ACBD3: variants seen among roughly 807,000 people sequenced by gnomAD.
The protein encoded by ACBD3 is acyl-CoA binding domain containing 3, also known as Golgi resident protein GCP60.
A neutral mutation model predicts 66.9 loss-of-function variants in ACBD3; 30 were observed. The observed-to-expected ratio is 0.45, with a 90% confidence interval of 0.34 to 0.61. The LOEUF (loss-of-function observed/expected upper bound fraction) is 0.61. ACBD3 is among the 20% of genes least tolerant of loss of function. The pLI, the probability that ACBD3 is intolerant of heterozygous loss-of-function variation, is 0.02. For missense variants in ACBD3, 544 were observed against 664.5 expected (o/e 0.82, Z 1.99); for synonymous variants, 278 against 259.8 (o/e 1.07, Z -0.68).
rs1466101037 is a variant in ACBD3 at position 226,159,254 on chromosome 1, C to T, written c.833G>A (p.Arg278His). ...GNYEQQQILI[R>H]QLQEQHYQQY... ...CTGATAGTGTTGCTCCTGCAACTGG[C>T]GGATGAGAATTTGCTGCTGTTCGTA... Residue 278 changes from arginine to histidine, a missense_variant, in exon 5 of 8, where the codon CGC becomes CAC. Physicochemically the swap from Arg to His is conservative, Grantham distance 29. This residue lies in a region of ACBD3 where 383 missense variants were observed against 462.4 expected (regional missense o/e 0.83). Coordinates refer to ENST00000366812, the MANE Select transcript of ACBD3 (RefSeq NM_022735.4). 7.4e-6 allele frequency: 12 copies of T among 1,614,134 alleles called. No individual in the cohort carries two copies. The highest frequency in any genetic ancestry group is 2.7e-5 in the African/African-American group (2 of 75,022).
Position 226,146,679 on chromosome 1 carries a change from G to C in ACBD3, c.1518C>G (p.Leu506=), listed in dbSNP as rs1558121674. 4 of 1,613,936 alleles carry C rather than the reference G, an allele frequency of 2.5e-6. No homozygotes were observed. The highest frequency in any genetic ancestry group is 2.2e-5 in the South Asian group (2 of 91,062). ...ACAAAGAGTAGGAGTTGTCAAACTT[G>C]AGGAGATAGACTCCTCTCCCTGGAT... The part of the protein sequence containing the change: ...HQYPGRGVYL[L]KFDNSYSLWR... Residue 506 remains leucine, a synonymous_variant, in exon 8 of 8, where the codon CTC becomes CTG. Coordinates refer to ENST00000366812, the MANE Select transcript of ACBD3 (RefSeq NM_022735.4).
At chr1:226,151,125 G>A (rs1408241317) in intron 7 of ACBD3, among the ~76,000 whole-genome samples, 1 of 152,204 alleles carries the variant, frequency 6.6e-6, no homozygotes, top group Non-Finnish European at 1.5e-5. Flanking sequence ...TACTTCACAA[G>A]TTGATAGAAC....
intron 5 of ACBD3, among the ~76,000 whole-genome samples, chr1:226,155,716 A>C (rs1659659071): frequency 6.6e-6 from 1 of 152,228 alleles, no homozygotes; most frequent in Non-Finnish European, 1.5e-5. Flanking sequence ...TTAAAACTTC[A>C]GGGAAAAATT....
chr1:226,184,278 T>C (rs956281188), intron 1 of ACBD3, among the ~76,000 whole-genome samples: 7 of 152,238 alleles, frequency 4.6e-5, no homozygotes, highest in African/African-American at 1.7e-4. Context: ...TCCTTCCCTT[T>C]TGTCAGTTAG....
At chr1:226,184,275 CTT>C (rs1306849068) in intron 1 of ACBD3, among the ~76,000 whole-genome samples, 1 of 152,198 alleles carries the variant, frequency 6.6e-6, no homozygotes, top group African/African-American at 2.4e-5. Flanking sequence ...ACATCCTTCC[CTT>C]TTGTCAGTTA....
At chr1:226,176,429 C>CAAAAAAA (rs34313392) in intron 1 of ACBD3, among the ~76,000 whole-genome samples, 7 of 83,354 alleles carry the variant, frequency 8.4e-5, no homozygotes, top group African/African-American at 1.5e-4. Flanking sequence ...GACTCCGTCT[C>CAAAAAAA]AAAAAAAAAA....
intron 1 of ACBD3, among the ~76,000 whole-genome samples, chr1:226,172,174 G>A (rs1255327445): frequency 0.32 from 17,680 of 55,654 alleles, 1,569 homozygotes; most frequent in East Asian, 0.39. Context: ...AAAAAAAGAG[G>A]AATACATTTT....
chr1:226,164,406 T>C (rs1389263884), intron 3 of ACBD3, among the ~76,000 whole-genome samples: 2 of 152,004 alleles, frequency 1.3e-5, no homozygotes, highest in Non-Finnish European at 2.9e-5. Context: ...TTGCAAACCA[T>C]GAAATGGAGC....
intron 1 of ACBD3, among the ~76,000 whole-genome samples, chr1:226,183,967 G>A (rs1224026542): frequency 6.6e-5 from 10 of 151,058 alleles, no homozygotes; most frequent in Admixed American, 6.6e-4. Context: ...TGACGCAGGA[G>A]GATCACGAGG....
chr1:226,152,754 G>A, intron 6 of ACBD3, 135 bp from the exon 7 acceptor site: 1 of 880,646 alleles, frequency 1.1e-6, no homozygotes, highest in South Asian at 1.8e-5. Flanking sequence ...CAAGGACTTG[G>A]AGGAATAAAA....
chr1:226,161,754 T>C, intron 3 of ACBD3, 65 bp from the exon 4 acceptor site: 1 of 1,489,842 alleles, frequency 6.7e-7, no homozygotes, highest in South Asian at 1.4e-5. Context: ...AAACTTTAGC[T>C]CCCAGGGAAA....
chr1:226,148,363 TA>T (rs1206570477), intron 7 of ACBD3, among the ~76,000 whole-genome samples: 2 of 152,200 alleles, frequency 1.3e-5, no homozygotes, highest in Non-Finnish European at 2.9e-5. Context: ...ATTCTAAAAT[TA>T]AAAGTTTATT....
chr1:226,186,385 C>T lies in ACBD3; in HGVS notation c.286+5G>A. 1 of 1,515,594 alleles carries T rather than the reference C, an allele frequency of 6.6e-7. No individual in the cohort carries two copies. Among genetic ancestry groups the T allele is most frequent in the Admixed American group, 2.1e-5 (1 of 48,182 alleles). 93.9% of individuals were successfully genotyped at this position (1,515,594 alleles called of 1,614,324 possible). On this transcript the variant is annotated splice_donor_5th_base_variant and intron_variant, in intron 1 of 7. Transcript: ENST00000366812. ...AGCGGCGGGGGTGGGGCTGGCCCGG[C>T]TCACCTTTGAAGAAGCGCAGTGCCA...
intron 7 of ACBD3, among the ~76,000 whole-genome samples, 176 bp downstream of exon 7, chr1:226,152,159 C>T (rs983730666): frequency 6.6e-6 from 1 of 152,138 alleles, no homozygotes; most frequent in African/African-American, 2.4e-5. Context: ...AGGCCCCAGT[C>T]CCCTACAGGA....
At chr1:226,168,104 T>C (rs1316527879) in intron 1 of ACBD3, among the ~76,000 whole-genome samples, 2 of 152,216 alleles carry the variant, frequency 1.3e-5, no homozygotes, top group Admixed American at 6.5e-5. Context: ...TTCCTAAATG[T>C]ACATACCTGT....
chr1:226,184,176 G>C (rs1656239765), intron 1 of ACBD3, among the ~76,000 whole-genome samples: 2 of 152,172 alleles, frequency 1.3e-5, no homozygotes, highest in African/African-American at 4.8e-5. Context: ...CTGGGCGACA[G>C]AGTGAGACTC....
chr1:226,177,386 C>T (rs1182692144), intron 1 of ACBD3, among the ~76,000 whole-genome samples: 3 of 146,980 alleles, frequency 2.0e-5, no homozygotes, highest in East Asian at 2.0e-4. Flanking sequence ...TAAGTAGAGA[C>T]GGGTTTCACC....
chr1:226,158,795 G>C (rs1468668579), intron 5 of ACBD3, among the ~76,000 whole-genome samples: 1 of 152,176 alleles, frequency 6.6e-6, no homozygotes, highest in African/African-American at 2.4e-5. Flanking sequence ...ATGGTCTTAG[G>C]GCAGGGGAGT....
At chr1:226,175,610 G>A (rs1656013929) in intron 1 of ACBD3, among the ~76,000 whole-genome samples, 1 of 150,452 alleles carries the variant, frequency 6.6e-6, no homozygotes, top group Non-Finnish European at 1.5e-5. Context: ...TCTGAGAAGA[G>A]GAAAGGAGAA....
Sources: allele counts gnomAD v4.1 joint callset (sites outside exome capture counted in the v4.1 genomes callset), GRCh38; gene constraint gnomAD v4.1.1; regional missense constraint gnomAD v4.1.1; transcripts MANE v1.5; gene names NCBI Gene and HGNC (gene_info 2026-07-23, HGNC 2026-07-21).